Variants in SCN10A observed in about 807,000 individuals in gnomAD.
The protein encoded by SCN10A is sodium voltage-gated channel alpha subunit 10.
SCN10A carries 162 observed loss-of-function variants against 170.7 expected under a neutral mutation model. That is an observed-to-expected ratio of 0.95 (90% CI 0.84 to 1.08). SCN10A has a LOEUF of 1.08. SCN10A is among the 50% of genes least tolerant of loss of function. SCN10A has a pLI of 0.00. For missense variants in SCN10A, 2,527 were observed against 2,436.9 expected, an observed-to-expected ratio of 1.04 and a Z score of -0.78; for synonymous variants, 985 against 904.6, an observed-to-expected ratio of 1.09 and a Z score of -1.59.
chr3:38,708,465 A>G (rs1339228179), intron 25 of SCN10A, among the ~76,000 whole-genome samples: 1 of 152,212 alleles, frequency 6.6e-6, no homozygotes, highest in Non-Finnish European at 1.5e-5. Flanking sequence ...GTCTTGTCCC[A>G]GACCTATCCT....
In SCN10A at chr3:38,761,026, A is replaced by C. The variant is rs527496324; in HGVS notation, c.883+166T>G. Among the ~76,000 whole-genome samples the C allele has an allele frequency of 5.9e-5, 9 of 152,316 alleles. No individual in the cohort carries two copies. In the East Asian group the frequency reaches 1.7e-3, roughly 29 times the overall value. ...GCAAGAGGGATGCTGAGCAACAGGAAATAGAATACCCAAAAGTAAAACACA... is the reference window on the plus strand; with the variant it reads ...GCAAGAGGGATGCTGAGCAACAGGACATAGAATACCCAAAAGTAAAACACA... On this transcript the variant is annotated intron_variant, in intron 7 of 27. Transcript: ENST00000449082.
chr3:38,718,735 T>C lies in SCN10A; in HGVS notation c.3599A>G (p.Glu1200Gly). ...ATAGGCCACCCACTTAAGCAGCATC[T>C]CGAACACAAAGATAAAGGTGAAGAC... ...DRVFTFIFVF[E>G]MLLKWVAYGF... Residue 1200 changes from glutamate (E) to glycine (G), a missense_variant, in exon 21 of 28, where the codon GAG becomes GGG. Physicochemically the swap from Glu to Gly is moderately conservative, Grantham distance 98. Transcript: ENST00000449082. The C allele has an allele frequency of 6.2e-7, 1 of 1,614,180 alleles. No homozygotes were observed.
At chr3:38,813,681 T>C (rs888670403) in intron 1 of SCN10A, among the ~76,000 whole-genome samples, 1 of 152,144 alleles carries the variant, frequency 6.6e-6, no homozygotes, top group African/African-American at 2.4e-5. Context: ...AAAACATGGC[T>C]CTAGATATCT....
chr3:38,756,091 G>T, intron 10 of SCN10A, 133 bp from the exon 11 acceptor site: 1 of 924,786 alleles, frequency 1.1e-6, no homozygotes, highest in Non-Finnish European at 1.7e-6. Context: ...CAGGGTGGTG[G>T]TGGGATTAGG....
intron 4 of SCN10A, among the ~76,000 whole-genome samples, chr3:38,784,990 A>G (rs2064180610): frequency 6.6e-6 from 1 of 152,198 alleles, no homozygotes; most frequent in African/African-American, 2.4e-5. Flanking sequence ...AGAGGACACA[A>G]ATAAATGGAA....
In SCN10A at chr3:38,789,347, G is replaced by T. The variant is rs2064249825; in HGVS notation, c.390-311C>A. 2.6e-5 allele frequency among the ~76,000 whole-genome samples: 4 copies of T among 152,232 alleles called. No individual in the cohort carries two copies. The South Asian group carries it at 8.3e-4, about 32-fold the overall frequency. On this transcript the variant is annotated intron_variant, in intron 3 of 27. Coordinates refer to ENST00000449082, the MANE Select transcript of SCN10A (RefSeq NM_006514.4). ...TGCAGCTAGTCAACCATGCTGCAGAGATGTGAACTCTTATCTGTTTGATAA... is the reference window on the plus strand; with the variant it reads ...TGCAGCTAGTCAACCATGCTGCAGATATGTGAACTCTTATCTGTTTGATAA...
chr3:38,760,771 C>T (rs2063861018), intron 7 of SCN10A, 24 bp from the exon 8 acceptor site: 2 of 1,595,302 alleles, frequency 1.3e-6, no homozygotes, highest in Non-Finnish European at 1.7e-6. Context: ...GAAAAGAAAG[C>T]CTCACAGATG....
At chr3:38,721,338 C>T (rs1001835031) in intron 20 of SCN10A, among the ~76,000 whole-genome samples, 2 of 152,194 alleles carry the variant, frequency 1.3e-5, no homozygotes, top group African/African-American at 4.8e-5. Context: ...CCACCCTGAA[C>T]TCTCTATTCC....
intron 26 of SCN10A, among the ~76,000 whole-genome samples, chr3:38,705,404 G>A (rs2063199711): frequency 1.3e-5 from 2 of 152,112 alleles, no homozygotes; most frequent in Non-Finnish European, 2.9e-5. Context: ...TCCACATGTG[G>A]AGGTCTCCCC....
intron 13 of SCN10A, among the ~76,000 whole-genome samples, chr3:38,745,198 G>A (rs1247120180): frequency 6.6e-6 from 1 of 152,168 alleles, no homozygotes; most frequent in Non-Finnish European, 1.5e-5. Flanking sequence ...GAGACACAGA[G>A]ACTAAAAGTA....
chr3:38,717,686 G>A (rs568443175), intron 21 of SCN10A, among the ~76,000 whole-genome samples: 8 of 152,346 alleles, frequency 5.3e-5, no homozygotes, highest in African/African-American at 1.9e-4. Flanking sequence ...CAGGAGGCAA[G>A]CACCAAATAC....
chr3:38,775,261 C>A (rs1412715070), intron 4 of SCN10A, among the ~76,000 whole-genome samples: 1 of 152,140 alleles, frequency 6.6e-6, no homozygotes, highest in Non-Finnish European at 1.5e-5. Flanking sequence ...CCCTCTCTGG[C>A]AACTTCCATT....
chr3:38,742,157 G>A, intron 14 of SCN10A, 134 bp downstream of exon 14: 1 of 663,564 alleles, frequency 1.5e-6, no homozygotes, highest in Admixed American at 2.2e-5. Context: ...CTGCACTGCT[G>A]CTCTGCTCTC....
At chr3:38,722,449 G>A in intron 19 of SCN10A, 37 bp from the exon 20 acceptor site, 1 of 1,596,728 alleles carries the variant, frequency 6.3e-7, no homozygotes, top group Non-Finnish European at 8.5e-7. Flanking sequence ...GTGATGGCCA[G>A]TGGGCAAAGG....
At position 38,739,618 on chromosome 3, in the gene SCN10A, T is replaced by C. The variant is rs1320916260; in HGVS notation, c.2177A>G (p.Gln726Arg). The change falls in exon 15 of 28, where the codon CAG becomes CGG. Residue 726 changes from glutamine (Q) to arginine (R), a missense_variant. Physicochemically the swap from Gln to Arg is conservative, Grantham distance 43. Transcript: ENST00000449082. ...GCAGTCAAAGATATTCCACTTCTTC[T>C]GGAAATAATAGTATGGGTCGAAGGC... Reference protein sequence around the residue: ...IIAFDPYYYFQKKWNIFDCII... With the variant: ...IIAFDPYYYFRKKWNIFDCII... The C allele has an allele frequency of 6.2e-7, 1 of 1,613,996 alleles. No homozygotes were observed. Among genetic ancestry groups the C allele is most frequent in the African/African-American group, 1.3e-5 (1 of 74,916 alleles).
chr3:38,709,056 A>C (rs1247794897), intron 25 of SCN10A, among the ~76,000 whole-genome samples: 2 of 152,182 alleles, frequency 1.3e-5, no homozygotes, highest in Non-Finnish European at 2.9e-5. Flanking sequence ...CTTCCTCCCC[A>C]TCCCAAGGAG....
chr3:38,808,669 C>A (rs1043887365), intron 1 of SCN10A, among the ~76,000 whole-genome samples: 1 of 152,210 alleles, frequency 6.6e-6, no homozygotes, highest in Non-Finnish European at 1.5e-5. Context: ...AGAATTTCTG[C>A]TGTCAGTGTG....
Position 38,726,690 on chromosome 3 carries a change from C to G in SCN10A, c.3003G>C (p.Glu1001Asp). 2.5e-6 allele frequency: 4 copies of G among 1,612,256 alleles called. No individual in the cohort carries two copies. Among genetic ancestry groups the G allele is most frequent in the Non-Finnish European group, 3.4e-6 (4 of 1,178,578 alleles). The change falls in exon 17 of 28, where the codon GAG becomes GAC. Residue 1001 changes from glutamate (E) to aspartate (D), a missense_variant. By Grantham distance (45) the Glu-to-Asp change is conservative. Transcript: ENST00000449082. The part of the protein sequence containing the change: ...PTVWVSVPIA[E>D]GESDLDDLED... ...CCAAGTCATCAAGATCAGATTCACC[C>G]TCAGCAATGGGCACAGAGACCCACA...
intron 13 of SCN10A, among the ~76,000 whole-genome samples, chr3:38,748,344 G>T (rs1010597782): frequency 6.6e-6 from 1 of 152,172 alleles, no homozygotes; most frequent in Non-Finnish European, 1.5e-5. Context: ...GTCTGTACAC[G>T]TTGTTGTTGA....
Sources: gnomAD v4.1 joint callset for allele counts (sites outside exome capture counted in the v4.1 genomes callset) on GRCh38, gnomAD v4.1.1 for gene constraint, MANE v1.5 for transcripts, NCBI Gene and HGNC (gene_info 2026-07-23, HGNC 2026-07-21) for gene names.